MYO1G: variants seen among roughly 807,000 people sequenced by gnomAD.
MYO1G encodes unconventional myosin-Ig.
Under a neutral mutation model 115.3 loss-of-function variants are expected in MYO1G, and 65 were observed. The observed-to-expected ratio is 0.56, with a 90% CI of 0.46 to 0.69. MYO1G has a LOEUF of 0.69. Among genes scored for constraint, MYO1G ranks in the 30% least tolerant of loss-of-function variants. The pLI, the probability that MYO1G is intolerant of heterozygous loss-of-function variation, is 0.00. For synonymous variants in MYO1G, 510 were observed against 552.6 expected (o/e 0.92, Z 1.08); for missense variants, 1,204 against 1,393.5 (o/e 0.86, Z 2.16).
intron 9 of MYO1G, 25 bp downstream of exon 9, chr7:44,970,567 G>C: frequency 3.7e-6 from 6 of 1,612,926 alleles, no homozygotes; most frequent in Non-Finnish European, 5.1e-6. Context: ...GTCAGAGGTG[G>C]AGATGTGGCT....
chr7:44,965,105 T>C lies in MYO1G; in HGVS notation c.2382-16A>G. On this transcript the variant is annotated splice_polypyrimidine_tract_variant and intron_variant, in intron 17 of 21. Coordinates refer to ENST00000258787, the MANE Select transcript of MYO1G (RefSeq NM_033054.3). ...GGCCCGCCACCTGGGAGAGGGCATG[T>C]AGTCAGACAGATGCTGGCCATGTGT... 6.3e-7 allele frequency: 1 copy of C among 1,595,948 alleles called. No individual in the cohort carries two copies. The highest frequency in any genetic ancestry group is 1.3e-5 in the African/African-American group (1 of 74,780).
At position 44,969,162 on chromosome 7, in the gene MYO1G, T is replaced by A; in HGVS notation, c.1574+251A>T. 4.9e-6 allele frequency: 2 copies of A among 408,120 alleles called. No individual in the cohort carries two copies. Among genetic ancestry groups the A allele is most frequent in the Non-Finnish European group, 9.3e-6 (2 of 215,940 alleles). 25.3% of individuals were successfully genotyped at this position (408,120 alleles called of 1,614,324 possible). ...GCTGGTATAGGGTTGGGCCCAGACA[T>A]GAGACGTGGGTATTTTTTAAAGGCT... On this transcript the variant is annotated intron_variant, in intron 12 of 21. Transcript: ENST00000258787. This position sits in a 1 kb window ranked among gnomAD's most constrained non-coding sequence, Gnocchi z 5.0.
rs1583787518 is a variant in MYO1G at position 44,967,802 on chromosome 7, A to T, written c.1650-65T>A. The T allele has an allele frequency of 1.4e-5, 22 of 1,611,744 alleles. No homozygotes were observed. In the South Asian group the frequency reaches 2.4e-4, roughly 18 times the overall value. ...AGCAGCCCCACCCACCCACGTCCTG[A>T]CGCTAGTCAATGCCTGACCCCAGAG... is the stretch of plus-strand genomic sequence containing the variant. On this transcript the variant is annotated intron_variant, in intron 13 of 21. Transcript: ENST00000258787.
chr7:44,969,709 C>T lies in MYO1G; in HGVS notation c.1499G>A (p.Arg500His), dbSNP rs777044357. ...CACTGGGACAGCCGGGGGCACCTGG[C>T]GGCTGGTGTAGTGTAGGTGATGGCG... ...HHRHHLHYTSRQLCPTDKTME... is the reference protein window; with the variant it reads ...HHRHHLHYTSHQLCPTDKTME... Residue 500 changes from arginine (R) to histidine (H), a missense_variant, in exon 11 of 22, where the codon CGC becomes CAC. Physicochemically the swap from Arg to His is conservative, Grantham distance 29. Transcript: ENST00000258787. This position sits in a 1 kb window ranked among gnomAD's most constrained non-coding sequence, Gnocchi z 5.0. 16 of 1,610,932 alleles carry T rather than the reference C, an allele frequency of 9.9e-6. 1 individual carries two copies. The highest frequency in any genetic ancestry group is 3.3e-5 in the South Asian group (3 of 90,990).
Position 44,963,220 on chromosome 7 carries a change from A to G in MYO1G, c.2746-96T>C. 7.4e-7 allele frequency: 1 copy of G among 1,343,736 alleles called. No homozygotes were observed. Among genetic ancestry groups the G allele is most frequent in the Non-Finnish European group, 9.6e-7 (1 of 1,043,192 alleles). The allele number at this position is 1,343,736 out of a possible 1,614,324, so 83.2% of individuals were successfully genotyped here. A position where few individuals can be genotyped will look rare whatever the true frequency, so the allele number is the denominator to read the frequency against. ...CCCAGGAAGCCTCTGCCGAACCCCC[A>G]ACCGCACCCGGGGAGCGCCGCCCTC... On this transcript the variant is annotated intron_variant, in intron 20 of 21. Transcript: ENST00000258787. This position sits in a 1 kb window ranked among gnomAD's most constrained non-coding sequence, Gnocchi z 4.1.
In MYO1G at chr7:44,962,804, C is replaced by G; in HGVS notation, c.2992G>C (p.Glu998Gln). The G allele has an allele frequency of 2.6e-6, 4 of 1,514,602 alleles. No homozygotes were observed. The highest frequency in any genetic ancestry group is 2.2e-5 in the Admixed American group (1 of 46,324). The allele number at this position is 1,514,602 out of a possible 1,614,324, so 93.8% of individuals were successfully genotyped here. A position where few individuals can be genotyped will look rare whatever the true frequency, so the allele number is the denominator to read the frequency against. ...CAGCGGAAATCGGGCTCTGGCTGCTCCGGCCTGGGCTCCACGGAGATGAGG... is the reference window on the plus strand; with the variant it reads ...CAGCGGAAATCGGGCTCTGGCTGCTGCGGCCTGGGCTCCACGGAGATGAGG... ...RRLISVEPRP[E>Q]QPEPDFRCAR... is the part of the protein sequence containing the mutation. Residue 998 changes from glutamate to glutamine, a missense_variant, in exon 22 of 22, where the codon GAG becomes CAG. Glu to Gln is a conservative substitution (Grantham distance 29). Coordinates refer to ENST00000258787, the MANE Select transcript of MYO1G (RefSeq NM_033054.3). This position sits in a 1 kb window ranked among gnomAD's most constrained non-coding sequence, Gnocchi z 5.3.
At chr7:44,967,313 G>A (rs1373129201) in intron 14 of MYO1G, among the ~76,000 whole-genome samples, 1 of 152,208 alleles carries the variant, frequency 6.6e-6, no homozygotes, top group African/African-American at 2.4e-5. Flanking sequence ...GCTGGGCCAA[G>A]CCAGCCTCTC....
intron 5 of MYO1G, chr7:44,973,762 T>TC (rs1323723526): frequency 1.3e-5 from 2 of 148,626 alleles, no homozygotes; most frequent in Non-Finnish European, 3.0e-5. Context: ...GCCACCGAAC[T>TC]CCCCCTTCAA....
In MYO1G at chr7:44,971,716, T is replaced by C; in HGVS notation, c.803A>G (p.Glu268Gly). The change falls in exon 7 of 22, where the codon GAG becomes GGG. Residue 268 changes from glutamate to glycine, a missense_variant. Glu to Gly is a moderately conservative substitution (Grantham distance 98, BLOSUM62 -2). Transcript: ENST00000258787. ...AMRVIGFSPE[E>G]VESVHRILAA... ...CAGGATGCGATGCACAGACTCCACC[T>C]CTTCAGGACTGAAGCCGATGACCCT... 2 of 1,557,142 alleles carry C rather than the reference T, an allele frequency of 1.3e-6. No individual in the cohort carries two copies. The highest frequency in any genetic ancestry group is 1.7e-6 in the Non-Finnish European group (2 of 1,150,000).
intron 3 of MYO1G, 47 bp from the exon 4 acceptor site, chr7:44,975,696 G>T: frequency 6.6e-7 from 1 of 1,514,962 alleles, no homozygotes; most frequent in South Asian, 1.3e-5. Flanking sequence ...CTTCCCATCT[G>T]GGGAATGCTG....
In MYO1G at chr7:44,967,593, G is replaced by T; in HGVS notation, c.1782+12C>A. On this transcript the variant is annotated intron_variant, in intron 14 of 21. Transcript: ENST00000258787. ...TCCGGAACAGCCAGAGTGGGAGAGG[G>T]GTGGAACATACCTTGGAGGCAAGGT... 6.2e-7 allele frequency: 1 copy of T among 1,613,750 alleles called. No individual in the cohort carries two copies. Among genetic ancestry groups the T allele is most frequent in the Non-Finnish European group, 8.5e-7 (1 of 1,180,010 alleles).
chr7:44,966,913 C>CT lies in MYO1G; in HGVS notation c.1783-76dup. The CT allele has an allele frequency of 7.0e-7, 1 of 1,433,672 alleles. No individual in the cohort carries two copies. Among genetic ancestry groups the CT allele is most frequent in the East Asian group, 2.3e-5 (1 of 43,736 alleles). The allele number at this position is 1,433,672 out of a possible 1,614,324, so 88.8% of individuals were successfully genotyped here. On this transcript the variant is annotated intron_variant, in intron 14 of 21. Transcript: ENST00000258787. The surrounding 1 kb of genome is among the most constrained non-coding windows in gnomAD (Gnocchi z 5.0). ...CACCCTGCCCCACACCAGGGGCTTC[C>CT]TAACCCCTCAAGGTCCCAGGCCAGG... is the stretch of plus-strand genomic sequence containing the variant.
chr7:44,967,682 C>T lies in MYO1G; in HGVS notation c.1705G>A (p.Val569Met). ...CCAGCCGTCAGGGGGCGCTTGGTCA[C>T]CTCTGTGATGTCCTGCTGCCCGTCC... ...WPDGQQDITE[V>M]TKRPLTAGTL... The change falls in exon 14 of 22, where the codon GTG (valine) becomes ATG (methionine). Residue 569 changes from valine (V) to methionine (M), a missense_variant. Coordinates refer to ENST00000258787, the MANE Select transcript of MYO1G (RefSeq NM_033054.3). 6.2e-7 allele frequency: 1 copy of T among 1,613,798 alleles called. No homozygotes were observed.
At chr7:44,976,536 A>C in intron 3 of MYO1G, 28 bp downstream of exon 3, 1 of 1,608,940 alleles carries the variant, frequency 6.2e-7, no homozygotes, top group South Asian at 1.1e-5. Flanking sequence ...TGCCATGCTG[A>C]GGCCCAGAGC....
At position 44,963,301 on chromosome 7, in the gene MYO1G, G is replaced by A; in HGVS notation, c.2746-177C>T. 1.5e-6 allele frequency: 1 copy of A among 657,216 alleles called. No individual in the cohort carries two copies. 40.7% of individuals were successfully genotyped at this position (657,216 alleles called of 1,614,324 possible). On this transcript the variant is annotated intron_variant, in intron 20 of 21. Coordinates refer to ENST00000258787, the MANE Select transcript of MYO1G (RefSeq NM_033054.3). This position sits in a 1 kb window ranked among gnomAD's most constrained non-coding sequence, Gnocchi z 4.1. ...CCTCCCTCTCGGGGCCCTGCTGACA[G>A]GGGGAAGCTTGGGCGGGACGCTGCA... is the stretch of plus-strand genomic sequence containing the variant.
chr7:44,969,491 G>A lies in MYO1G; in HGVS notation c.1504-8C>T, dbSNP rs779542395. The A allele has an allele frequency of 1.1e-5, 17 of 1,613,726 alleles. No individual in the cohort carries two copies. The South Asian group carries it at 1.2e-4, about 11-fold the overall frequency. ...CTTGTCTGTGGGGCAGAGCTATGGG[G>A]ACAGGCTGAGGTCAAGGCACAAAAG... On this transcript the variant is annotated splice_region_variant and splice_polypyrimidine_tract_variant and intron_variant, in intron 11 of 21. Transcript: ENST00000258787. The surrounding 1 kb of genome is among the most constrained non-coding windows in gnomAD (Gnocchi z 5.0).
Position 44,972,120 on chromosome 7 carries a change from GCA to G in MYO1G, c.722_723del (p.Val241AlafsTer7). On this transcript the variant is annotated frameshift_variant, in exon 6 of 22. Coordinates refer to ENST00000258787, the MANE Select transcript of MYO1G (RefSeq NM_033054.3). LOFTEE classifies it high-confidence loss of function. ...THQGAGLNMT[V>X]HSALDSDEQS... The stretch of plus-strand genomic sequence containing the variant: ...TTGGTGCCCCTCACACTCACACTGT[GCA>G]CAGTCATGTTGAGTCCTGCTCCCTG... 1.2e-6 allele frequency: 2 copies of G among 1,612,742 alleles called. No homozygotes were observed. Among genetic ancestry groups the G allele is most frequent in the Non-Finnish European group, 1.7e-6 (2 of 1,178,808 alleles).
chr7:44,976,517 T>C, intron 3 of MYO1G, 47 bp downstream of exon 3: 1 of 1,576,776 alleles, frequency 6.3e-7, no homozygotes, highest in Non-Finnish European at 8.7e-7. Context: ...CACACTGAGG[T>C]CCCTGGCCTG....
chr7:44,966,890 C>T lies in MYO1G; in HGVS notation c.1783-52G>A, dbSNP rs1044948496. On this transcript the variant is annotated intron_variant, in intron 14 of 21. Coordinates refer to ENST00000258787, the MANE Select transcript of MYO1G (RefSeq NM_033054.3). The surrounding 1 kb of genome is among the most constrained non-coding windows in gnomAD (Gnocchi z 5.0). ...GGGTCTGCGCCAGCAGCACTGTGCA[C>T]CCTGCCCCACACCAGGGGCTTCCTA... 1.3e-5 allele frequency: 20 copies of T among 1,532,670 alleles called. No homozygotes were observed. The East Asian group carries it at 4.5e-4, about 35-fold the overall frequency. 94.9% of individuals were successfully genotyped at this position (1,532,670 alleles called of 1,614,324 possible).
Sources: gnomAD v4.1 joint callset for allele counts (sites outside exome capture counted in the v4.1 genomes callset) on GRCh38, gnomAD v4.1.1 for gene constraint, Gnocchi (gnomAD v3.1) non-coding constraint, MANE v1.5 for transcripts, NCBI Gene and HGNC (gene_info 2026-07-23, HGNC 2026-07-21) for gene names.